The following VPS13B variants were observed in gnomAD, a reference collection of about 807,000 sequenced individuals.
VPS13B encodes vacuolar protein sorting 13 homolog B, also known as intermembrane lipid transfer protein VPS13B.
Under a neutral mutation model 426.4 loss-of-function variants are expected in VPS13B, and 285 were observed. The observed-to-expected ratio is 0.67, with a 90% CI of 0.61 to 0.74. The LOEUF (loss-of-function observed/expected upper bound fraction) is 0.74. VPS13B is among the 30% of genes least tolerant of loss of function. The probability of loss-of-function intolerance (pLI) is 0.00; values close to 1 mark genes in which losing one functional copy is unlikely to be tolerated. For synonymous variants in VPS13B, 1,676 were observed against 1,676.4 expected (o/e 1.00, Z 0.01); for missense variants, 4,537 against 4,782.6 (o/e 0.95, Z 1.51).
chr8:99,875,445 G>C lies in VPS13B; in HGVS notation c.11773G>C (p.Glu3925Gln). The C allele has an allele frequency of 3.1e-6, 5 of 1,614,142 alleles. No individual in the cohort carries two copies. In the South Asian group the frequency reaches 4.4e-5, roughly 14 times the overall value. Residue 3925 changes from glutamate (E) to glutamine (Q), a missense_variant, in exon 62 of 62, where the codon GAG (glutamate) becomes CAG (glutamine). Physicochemically the swap from Glu to Gln is conservative, Grantham distance 29. This residue lies in a region of VPS13B where 4,311 missense variants were observed against 4,474.3 expected (regional missense o/e 0.96). Transcript: ENST00000357162. The part of the protein sequence containing the change: ...EVDGVRERLS[E>Q]QQYNRLVDYI... ...AGATGGAGTCCGAGAGAGACTGTCA[G>C]AGCAACAGTACAACAGACTGGTGGA... is the stretch of plus-strand genomic sequence containing the variant.
rs193258796 is a variant in VPS13B, at chr8:99,223,159, G to A, written c.2515+30102G>A. Among the ~76,000 whole-genome samples, 953 of 152,082 alleles carry A rather than the reference G, an allele frequency of 6.3e-3. 8 individuals carry two copies. Among genetic ancestry groups the A allele is most frequent in the African/African-American group, 0.022 (894 of 41,486 alleles). Reference sequence around the variant, plus strand: ...AGGAGACGATTTTAATTAGTATGTGGGAAACTTTAATTTTAGAAATTATTT... The same window carrying A: ...AGGAGACGATTTTAATTAGTATGTGAGAAACTTTAATTTTAGAAATTATTT... On this transcript the variant is annotated intron_variant, in intron 17 of 61. Transcript: ENST00000357162.
chr8:99,305,133 A>T (rs1052102677), intron 19 of VPS13B, among the ~76,000 whole-genome samples: 2 of 152,082 alleles, frequency 1.3e-5, no homozygotes, highest in African/African-American at 2.4e-5. Flanking sequence ...AAATTTATTT[A>T]CAAATTCGCT....
chr8:99,840,085 A>T (rs1350139039), intron 54 of VPS13B, among the ~76,000 whole-genome samples: 1 of 152,248 alleles, frequency 6.6e-6, no homozygotes, highest in African/African-American at 2.4e-5. Context: ...CCCTTGTGTG[A>T]ACACTCTAGT....
intron 23 of VPS13B, among the ~76,000 whole-genome samples, chr8:99,453,165 T>C (rs532289319): frequency 6.6e-6 from 1 of 152,352 alleles, no homozygotes; most frequent in African/African-American, 2.4e-5. Context: ...TGCTTTTCTA[T>C]GTAATTCTTG....
intron 24 of VPS13B, among the ~76,000 whole-genome samples, chr8:99,469,226 G>T (rs570400126): frequency 6.8e-6 from 1 of 146,744 alleles, no homozygotes; most frequent in East Asian, 2.0e-4. Context: ...CTGAAGTGCA[G>T]TGGTGCAATC....
At chr8:99,402,930 T>C (rs941260857) in intron 21 of VPS13B, among the ~76,000 whole-genome samples, 1 of 152,236 alleles carries the variant, frequency 6.6e-6, no homozygotes, top group African/African-American at 2.4e-5. Context: ...ATTCCCCAAA[T>C]TGATAGGTGA....
chr8:99,680,859 C>T (rs1387477133), intron 35 of VPS13B, among the ~76,000 whole-genome samples: 1 of 152,036 alleles, frequency 6.6e-6, no homozygotes, highest in Non-Finnish European at 1.5e-5. Context: ...TTATAGCTCC[C>T]CCTGTGTCTC....
chr8:99,058,273 A>G (rs995566453), intron 3 of VPS13B, among the ~76,000 whole-genome samples: 1 of 150,996 alleles, frequency 6.6e-6, no homozygotes, highest in African/African-American at 2.4e-5. Context: ...AGTCAGATTT[A>G]AAAAAAAATA....
At chr8:99,399,464 A>T (rs1814917137) in intron 21 of VPS13B, among the ~76,000 whole-genome samples, 1 of 152,168 alleles carries the variant, frequency 6.6e-6, no homozygotes, top group South Asian at 2.1e-4. Context: ...CATATTGTAG[A>T]TGATTGTAGC....
chr8:99,640,421 C>T (rs1829311683), intron 33 of VPS13B, among the ~76,000 whole-genome samples: 1 of 152,016 alleles, frequency 6.6e-6, no homozygotes, highest in Non-Finnish European at 1.5e-5. Context: ...GGCACACCAC[C>T]AGGCCTGGCT....
intron 39 of VPS13B, among the ~76,000 whole-genome samples, chr8:99,757,289 G>A (rs746031337): frequency 3.9e-5 from 6 of 152,042 alleles, no homozygotes; most frequent in African/African-American, 7.2e-5. Flanking sequence ...GACTTACACC[G>A]TCAGCTACCC....
At chr8:99,151,622 C>T (rs1811085510) in intron 14 of VPS13B, among the ~76,000 whole-genome samples, 1 of 152,054 alleles carries the variant, frequency 6.6e-6, no homozygotes, top group Non-Finnish European at 1.5e-5. Flanking sequence ...CAACCTCCAC[C>T]TCCCGGGTTC....
intron 29 of VPS13B, among the ~76,000 whole-genome samples, chr8:99,514,167 G>T (rs1821936625): frequency 6.6e-6 from 1 of 152,060 alleles, no homozygotes; most frequent in Admixed American, 6.6e-5. Context: ...TAGCCCTTAG[G>T]TGTTCTTCAC....
At chr8:99,636,858 A>G (rs1335007861) in intron 33 of VPS13B, among the ~76,000 whole-genome samples, 5 of 152,086 alleles carry the variant, frequency 3.3e-5, no homozygotes, top group African/African-American at 9.7e-5. Flanking sequence ...TTCAAACAGA[A>G]TAATTCAAAA....
chr8:99,395,295 A>T (rs981418707), intron 21 of VPS13B, among the ~76,000 whole-genome samples: 1 of 152,196 alleles, frequency 6.6e-6, no homozygotes, highest in African/African-American at 2.4e-5. Flanking sequence ...GCAACAATAG[A>T]GTTCTTGAGA....
At chr8:99,063,412 G>A (rs764421720) in intron 3 of VPS13B, among the ~76,000 whole-genome samples, 13 of 152,244 alleles carry the variant, frequency 8.5e-5, no homozygotes, top group Non-Finnish European at 1.9e-4. Context: ...CATACCAGGA[G>A]ATTATATCCC....
chr8:99,817,717 C>G lies in VPS13B; in HGVS notation c.8275C>G (p.Leu2759Val). 1 of 1,614,046 alleles carries G rather than the reference C, an allele frequency of 6.2e-7. No individual in the cohort carries two copies. Residue 2759 changes from leucine to valine, a missense_variant, in exon 45 of 62, where the codon CTG becomes GTG. Leu to Val is a conservative substitution (Grantham distance 32). This residue lies in a region of VPS13B where 4,311 missense variants were observed against 4,474.3 expected (regional missense o/e 0.96). Coordinates refer to ENST00000357162, the MANE Select transcript of VPS13B (RefSeq NM_152564.5). ...ACTAGAAAACAATGAACTGACGGAG[C>G]TGTGTGTGAAGGCCAAAGGAGATGA... is the stretch of plus-strand genomic sequence containing the variant. ...YILENNELTE[L>V]CVKAKGDEDW...
chr8:99,167,396 GT>G, intron 15 of VPS13B, among the ~76,000 whole-genome samples: 1 of 151,972 alleles, frequency 6.6e-6, no homozygotes, highest in South Asian at 2.1e-4. Flanking sequence ...ACTATTATGT[GT>G]TTTATACTAT....
chr8:99,840,816 T>C (rs1020253666), intron 54 of VPS13B, among the ~76,000 whole-genome samples: 1 of 152,220 alleles, frequency 6.6e-6, no homozygotes, highest in African/African-American at 2.4e-5. Context: ...TTCAGAGTTA[T>C]GTCTACCCTC....
Sources: allele counts gnomAD v4.1 joint callset (sites outside exome capture counted in the v4.1 genomes callset), GRCh38; gene constraint gnomAD v4.1.1; regional missense constraint gnomAD v4.1.1; transcripts MANE v1.5; gene names NCBI Gene and HGNC (gene_info 2026-07-23, HGNC 2026-07-21).